PAIP2B: variants seen among roughly 807,000 people sequenced by gnomAD.
PAIP2B encodes polyadenylate-binding protein-interacting protein 2B.
PAIP2B carries 13 observed loss-of-function variants against 17.0 expected under a neutral mutation model. The observed-to-expected ratio is 0.76, with a 90% CI of 0.50 to 1.22. The LOEUF (loss-of-function observed/expected upper bound fraction) is 1.22. PAIP2B is among the 50% of genes most tolerant of loss of function. The pLI, the probability that PAIP2B is intolerant of heterozygous loss-of-function variation, is 0.00. For missense variants in PAIP2B, 117 were observed against 144.5 expected (o/e 0.81, Z 0.98); for synonymous variants, 43 against 48.7 (o/e 0.88, Z 0.48).
chr2:71,216,422 T>C (rs1000080458), intron 1 of PAIP2B, among the ~76,000 whole-genome samples: 37 of 152,234 alleles, frequency 2.4e-4, no homozygotes, highest in Admixed American at 2.4e-3. Context: ...AAACCAAGAA[T>C]TGTGTTATGT....
intron 1 of PAIP2B, among the ~76,000 whole-genome samples, chr2:71,219,732 T>TA (rs1455825676): frequency 1.4e-5 from 2 of 143,708 alleles, no homozygotes; most frequent in African/African-American, 5.5e-5. Flanking sequence ...AATACATAGT[T>TA]CAAAAATATT....
At chr2:71,190,238 T>C (rs374401708) in intron 2 of PAIP2B, among the ~76,000 whole-genome samples, 1 of 151,930 alleles carries the variant, frequency 6.6e-6, no homozygotes, top group East Asian at 1.9e-4. Flanking sequence ...CTGAGCAACA[T>C]AGCATGACCC....
chr2:71,214,588 A>G (rs911236566), intron 1 of PAIP2B, among the ~76,000 whole-genome samples: 9 of 152,218 alleles, frequency 5.9e-5, no homozygotes, highest in South Asian at 4.1e-4. Context: ...AGAATTTTTC[A>G]TATGTTTTAT....
At position 71,201,015 on chromosome 2, in the gene PAIP2B, GT is replaced by G. The variant is rs1558776154; in HGVS notation, c.138+1436del. ...AATCTCTTTGTGTGTGTGGGTGTGT[GT>G]GTGTGTGTGTGTGTGTGTGTGTGTG... On this transcript the variant is annotated intron_variant, in intron 2 of 3. Coordinates refer to ENST00000244221, the MANE Select transcript of PAIP2B (RefSeq NM_020459.1). Among the ~76,000 whole-genome samples, 126 of 146,976 alleles carry G rather than the reference GT, an allele frequency of 8.6e-4. 1 individual carries two copies. The highest frequency in any genetic ancestry group is 2.9e-3 in the South Asian group (14 of 4,748).
chr2:71,190,949 A>G (rs1476900482), intron 2 of PAIP2B, among the ~76,000 whole-genome samples: 1 of 152,270 alleles, frequency 6.6e-6, no homozygotes, highest in Non-Finnish European at 1.5e-5. Context: ...AAGATGAAAT[A>G]TATGAATATT....
At chr2:71,212,097 A>G (rs1675316614) in intron 1 of PAIP2B, among the ~76,000 whole-genome samples, 1 of 152,266 alleles carries the variant, frequency 6.6e-6, no homozygotes, top group Non-Finnish European at 1.5e-5. Context: ...AATCAAAAAC[A>G]TTCCTATGGG....
chr2:71,203,266 C>T (rs1245694731), intron 1 of PAIP2B, among the ~76,000 whole-genome samples: 1 of 152,024 alleles, frequency 6.6e-6, no homozygotes, highest in South Asian at 2.1e-4. Context: ...TTTTCTCATT[C>T]CTATGTTGTT....
At chr2:71,199,408 TAAAAA>T (rs61527424) in intron 2 of PAIP2B, among the ~76,000 whole-genome samples, 1 of 137,500 alleles carries the variant, frequency 7.3e-6, no homozygotes, top group Non-Finnish European at 1.6e-5. Flanking sequence ...AAGCTTAGAG[TAAAAA>T]AAAAAAAAAA....
At position 71,185,483 on chromosome 2, in the gene PAIP2B, G is replaced by C. The variant is rs1429498725; in HGVS notation, c.*2996C>G. ...CTCGGGAGGCTAAGATGGGAGGATT[G>C]CTTGAGCCTAGGAATTTGATGCTGC... On this transcript the variant is annotated 3_prime_UTR_variant, in exon 4 of 4. Transcript: ENST00000244221. 6.6e-6 allele frequency: 1 copy of C among 151,438 alleles called. No homozygotes were observed. Among genetic ancestry groups the C allele is most frequent in the Non-Finnish European group, 1.5e-5 (1 of 67,970 alleles). The allele number at this position is 151,438 out of a possible 1,614,324, so 9.4% of individuals were successfully genotyped here. A position where few individuals can be genotyped will look rare whatever the true frequency, so the allele number is the denominator to read the frequency against.
rs183591743 is a variant in PAIP2B, at chr2:71,183,683, A to G, written c.*4796T>C. 4.1e-4 allele frequency: 62 copies of G among 152,350 alleles called. No individual in the cohort carries two copies. Among genetic ancestry groups the G allele is most frequent in the Non-Finnish European group, 5.9e-5 (4 of 68,042 alleles). The allele number at this position is 152,350 out of a possible 1,614,324, so 9.4% of individuals were successfully genotyped here. A position where few individuals can be genotyped will look rare whatever the true frequency, so the allele number is the denominator to read the frequency against. ...TAAGTAAAAAAGCCAGACCCAAGGGACCACATATTGTATGATTCCATTGAT... is the reference window on the plus strand; with the variant it reads ...TAAGTAAAAAAGCCAGACCCAAGGGGCCACATATTGTATGATTCCATTGAT... On this transcript the variant is annotated 3_prime_UTR_variant, in exon 4 of 4. Transcript: ENST00000244221.
chr2:71,189,614 G>T (rs1385665741), intron 3 of PAIP2B, among the ~76,000 whole-genome samples: 1 of 152,174 alleles, frequency 6.6e-6, no homozygotes, highest in East Asian at 1.9e-4. Flanking sequence ...GTCCAATCTT[G>T]GCAAGTAAAA....
At chr2:71,225,543 T>TGAATGTAA (rs1284787595) in intron 1 of PAIP2B, among the ~76,000 whole-genome samples, 2 of 152,320 alleles carry the variant, frequency 1.3e-5, no homozygotes, top group East Asian at 3.9e-4. Context: ...TAAACCTGTA[T>TGAATGTAA]ATTCTCCCCA....
chr2:71,199,137 A>G (rs1236034419), intron 2 of PAIP2B, among the ~76,000 whole-genome samples: 2 of 152,000 alleles, frequency 1.3e-5, no homozygotes, highest in Non-Finnish European at 2.9e-5. Flanking sequence ...TTCTATCTTC[A>G]TTATTTTGTT....
In PAIP2B at chr2:71,202,517, C is replaced by T. The variant is rs1400960972; in HGVS notation, c.73G>A (p.Asp25Asn). The change falls in exon 2 of 4, where the codon GAT becomes AAT. Residue 25 changes from aspartate to asparagine, a missense_variant. Transcript: ENST00000244221. The stretch of plus-strand genomic sequence containing the variant: ...TCTGCAAATGGGTTTTCCTTTTCAT[C>T]GTGCCCACTTAACCCCTGGTCCTCT... ...SKEDQGLSGH[D>N]EKENPFAEYM... 11 of 1,613,656 alleles carry T rather than the reference C, an allele frequency of 6.8e-6. No individual in the cohort carries two copies. The highest frequency in any genetic ancestry group is 1.7e-5 in the Admixed American group (1 of 60,004).
At chr2:71,189,213 A>G (rs1014060797) in intron 3 of PAIP2B, among the ~76,000 whole-genome samples, 1 of 151,970 alleles carries the variant, frequency 6.6e-6, no homozygotes, top group African/African-American at 2.4e-5. Flanking sequence ...TGGGGTTTCC[A>G]TGTTGGCCAG....
intron 1 of PAIP2B, among the ~76,000 whole-genome samples, chr2:71,225,306 C>A (rs537243095): frequency 6.6e-6 from 1 of 152,264 alleles, no homozygotes; most frequent in East Asian, 1.9e-4. Context: ...ATACAAGATA[C>A]AATTTTACCA....
At chr2:71,198,892 CT>C (rs1277887242) in intron 2 of PAIP2B, among the ~76,000 whole-genome samples, 1 of 152,178 alleles carries the variant, frequency 6.6e-6, no homozygotes, top group Non-Finnish European at 1.5e-5. Flanking sequence ...TCCTGTATCA[CT>C]TTACTATGAT....
At chr2:71,192,846 T>A (rs912361241) in intron 2 of PAIP2B, among the ~76,000 whole-genome samples, 2 of 152,232 alleles carry the variant, frequency 1.3e-5, no homozygotes, top group Admixed American at 6.5e-5. Flanking sequence ...CACTGATAAA[T>A]GGGCATTTAG....
intron 1 of PAIP2B, among the ~76,000 whole-genome samples, chr2:71,214,157 A>G (rs1675370983): frequency 6.6e-6 from 1 of 152,186 alleles, no homozygotes; most frequent in South Asian, 2.1e-4. Flanking sequence ...CCTTGCCTAA[A>G]GTATAACCTA....
Sources: gnomAD v4.1 joint callset for allele counts (sites outside exome capture counted in the v4.1 genomes callset) on GRCh38, gnomAD v4.1.1 for gene constraint, MANE v1.5 for transcripts, NCBI Gene and HGNC (gene_info 2026-07-23, HGNC 2026-07-21) for gene names.